The following ELL2 variants were observed in gnomAD, a reference collection of about 807,000 sequenced individuals.
The protein encoded by ELL2 is RNA polymerase II elongation factor ELL2.
ELL2 carries 21 observed loss-of-function variants against 72.8 expected under a neutral mutation model. That is an observed-to-expected ratio of 0.29 (90% CI 0.20 to 0.42). The LOEUF (loss-of-function observed/expected upper bound fraction) is 0.42. Ranked by LOEUF, ELL2 falls within the 10% of genes least tolerant of loss-of-function variation. The pLI is 1.00. For missense variants in ELL2, 568 were observed against 772.8 expected, an observed-to-expected ratio of 0.73 and a Z score of 3.14; for synonymous variants, 266 against 283.2, an observed-to-expected ratio of 0.94 and a Z score of 0.61.
Position 95,941,906 on chromosome 5 carries a change from T to C in ELL2, c.195+1096A>G, listed in dbSNP as rs143206787. ...CTACTAAAAAGCTATACAACAAAAT[T>C]CAGAAGAATACTTATTCCAGTTAGG... On this transcript the variant is annotated intron_variant, in intron 2 of 11. Transcript: ENST00000237853. Among the ~76,000 whole-genome samples, 585 of 152,254 alleles carry C rather than the reference T, an allele frequency of 3.8e-3. 2 individuals carry two copies. The highest frequency in any genetic ancestry group is 0.014 in the African/African-American group (562 of 41,530).
intron 2 of ELL2, among the ~76,000 whole-genome samples, chr5:95,920,698 A>G (rs1389140804): frequency 1.3e-5 from 2 of 151,834 alleles, no homozygotes; most frequent in Non-Finnish European, 2.9e-5. Context: ...CAACTGCTCC[A>G]CTCTTCCTAG....
At chr5:95,960,748 T>C (rs1219886077) in intron 1 of ELL2, among the ~76,000 whole-genome samples, 1 of 152,076 alleles carries the variant, frequency 6.6e-6, no homozygotes, top group Non-Finnish European at 1.5e-5. Context: ...GAGCGCTAAG[T>C]GTGCGTGAGT....
chr5:95,898,283 C>T lies in ELL2; in HGVS notation c.1482G>A (p.Glu494=), dbSNP rs763430711. The change falls in exon 8 of 12, where the codon GAG becomes GAA. Residue 494 remains glutamate, a synonymous_variant. Coordinates refer to ENST00000237853, the MANE Select transcript of ELL2 (RefSeq NM_012081.6). Reference sequence around the variant, plus strand: ...TGGAGTTATTTAGCTTGGCAATTTCCTCTTCTCTCTTAAGATCTTCCTCCT... The same window carrying T: ...TGGAGTTATTTAGCTTGGCAATTTCTTCTTCTCTCTTAAGATCTTCCTCCT... ...EEKEEDLKRE[E]EIAKLNNSSP... The T allele has an allele frequency of 1.2e-6, 2 of 1,609,234 alleles. No homozygotes were observed. Among genetic ancestry groups the T allele is most frequent in the Non-Finnish European group, 1.7e-6 (2 of 1,178,794 alleles).
intron 1 of ELL2, among the ~76,000 whole-genome samples, chr5:95,950,904 G>GTATGTATA (rs1751355041): frequency 4.3e-5 from 2 of 46,614 alleles, no homozygotes; most frequent in Middle Eastern, 0.018. Context: ...GTATGTATGT[G>GTATGTATA]TATATATATA....
chr5:95,887,864 ATC>A lies in ELL2; in HGVS notation c.*1005_*1006del, dbSNP rs747389692. ...TTATAATTTTGTCCCAAAACTATAG[ATC>A]TGTTTCATTTTCATGACATATCAAT... On this transcript the variant is annotated 3_prime_UTR_variant, in exon 12 of 12. Transcript: ENST00000237853. 22 of 152,448 alleles carry A rather than the reference ATC, an allele frequency of 1.4e-4. No individual in the cohort carries two copies. Among genetic ancestry groups the A allele is most frequent in the African/African-American group, 2.4e-4 (10 of 41,460 alleles). The allele number at this position is 152,448 out of a possible 1,614,324, so 9.4% of individuals were successfully genotyped here.
chr5:95,951,583 A>T (rs1018197367), intron 1 of ELL2, among the ~76,000 whole-genome samples: 14 of 152,134 alleles, frequency 9.2e-5, no homozygotes, highest in Non-Finnish European at 1.6e-4. Context: ...AAATAAGCTT[A>T]GATTGGAAGA....
intron 9 of ELL2, 60 bp from the exon 10 acceptor site, chr5:95,891,334 G>T: frequency 6.6e-7 from 1 of 1,509,040 alleles, no homozygotes; most frequent in South Asian, 1.3e-5. Flanking sequence ...GCACAAGTCT[G>T]AGATTTAAAC....
intron 1 of ELL2, among the ~76,000 whole-genome samples, chr5:95,948,447 A>AAAAAAAAAAAAAAAAAAC (rs1751257266): frequency 6.7e-6 from 1 of 150,162 alleles, no homozygotes; most frequent in Admixed American, 6.6e-5. Flanking sequence ...AAAAAAAAAA[A>AAAAAAAAAAAAAAAAAAC]AAAAAAGCCA....
intron 5 of ELL2, among the ~76,000 whole-genome samples, chr5:95,901,933 G>A (rs762311200): frequency 6.6e-6 from 1 of 152,206 alleles, no homozygotes; most frequent in Non-Finnish European, 1.5e-5. Flanking sequence ...TCAGAACAGC[G>A]TGCTACTTAA....
intron 1 of ELL2, among the ~76,000 whole-genome samples, chr5:95,946,267 CAG>C (rs1278531611): frequency 6.6e-6 from 1 of 152,134 alleles, no homozygotes; most frequent in Non-Finnish European, 1.5e-5. Flanking sequence ...CTGCAGCTAA[CAG>C]GGGATAGTGG....
intron 7 of ELL2, 101 bp from the exon 8 acceptor site, chr5:95,898,911 A>G: frequency 1.2e-6 from 1 of 839,898 alleles, no homozygotes; most frequent in Non-Finnish European, 1.7e-6. Flanking sequence ...CTTACTTACT[A>G]TTAATATTAC....
At chr5:95,890,633 C>T (rs936053091) in intron 10 of ELL2, among the ~76,000 whole-genome samples, 1 of 152,200 alleles carries the variant, frequency 6.6e-6, no homozygotes, top group Non-Finnish European at 1.5e-5. Flanking sequence ...CAGCAAACTT[C>T]TTTACTTAAA....
intron 3 of ELL2, among the ~76,000 whole-genome samples, chr5:95,917,145 G>A (rs1641473630): frequency 6.6e-6 from 1 of 152,116 alleles, no homozygotes; most frequent in South Asian, 2.1e-4. Flanking sequence ...TCGCTTAAGT[G>A]TGCATTATTA....
At chr5:95,921,695 T>G (rs997718676) in intron 2 of ELL2, among the ~76,000 whole-genome samples, 1 of 152,214 alleles carries the variant, frequency 6.6e-6, no homozygotes, top group African/African-American at 2.4e-5. Flanking sequence ...CATACTGGTA[T>G]AACAGTACTC....
chr5:95,924,605 C>T (rs1182265793), intron 2 of ELL2, among the ~76,000 whole-genome samples: 4 of 151,950 alleles, frequency 2.6e-5, no homozygotes, highest in Non-Finnish European at 5.9e-5. Flanking sequence ...GTTTCTTGTT[C>T]AAGATGAAGA....
intron 2 of ELL2, among the ~76,000 whole-genome samples, chr5:95,922,824 T>C (rs550272657): frequency 6.6e-6 from 1 of 151,464 alleles, no homozygotes; most frequent in Admixed American, 6.6e-5. Context: ...TTTTAAAAAA[T>C]CATAATCCAT....
intron 3 of ELL2, among the ~76,000 whole-genome samples, chr5:95,918,264 A>C (rs1749905340): frequency 6.6e-6 from 1 of 152,258 alleles, no homozygotes. Flanking sequence ...ATGATGTTTT[A>C]AATTTTATTT....
chr5:95,937,804 T>A (rs1274182319), intron 2 of ELL2, among the ~76,000 whole-genome samples: 1 of 152,226 alleles, frequency 6.6e-6, no homozygotes, highest in Non-Finnish European at 1.5e-5. Context: ...CAGAGCCGAC[T>A]GACTAAACAC....
In ELL2 at chr5:95,895,569, G is replaced by T. The variant is rs1748839633; in HGVS notation, c.1589+59C>A. 4 of 1,504,070 alleles carry T rather than the reference G, an allele frequency of 2.7e-6. No homozygotes were observed. In the South Asian group the frequency reaches 3.5e-5, roughly 13 times the overall value. 93.2% of individuals were successfully genotyped at this position (1,504,070 alleles called of 1,614,324 possible). A position where few individuals can be genotyped will look rare whatever the true frequency, so the allele number is the denominator to read the frequency against. The stretch of plus-strand genomic sequence containing the variant: ...TTCTGATTTGCAAATTATGGGAAAA[G>T]AATTTGCAAACTTTCTAAAATTAAG... On this transcript the variant is annotated intron_variant, in intron 9 of 11. Coordinates refer to ENST00000237853, the MANE Select transcript of ELL2 (RefSeq NM_012081.6).
Sources: allele counts gnomAD v4.1 joint callset (sites outside exome capture counted in the v4.1 genomes callset), GRCh38; gene constraint gnomAD v4.1.1; transcripts MANE v1.5; gene names NCBI Gene and HGNC (gene_info 2026-07-23, HGNC 2026-07-21).